The following GRIA3 variants were observed in gnomAD, a reference collection of about 807,000 sequenced individuals.
GRIA3 encodes the protein glutamate receptor 3.
Under a neutral mutation model 63.0 loss-of-function variants are expected in GRIA3, and 3 were observed. The ratio of observed to expected loss-of-function variants is 0.05; its 90% CI spans 0.02 to 0.12. The LOEUF (loss-of-function observed/expected upper bound fraction) is 0.12, where lower values mean the gene tolerates loss of function less well. Ranked by LOEUF, GRIA3 falls within the 10% of genes least tolerant of loss-of-function variation. GRIA3 has a pLI of 1.00. For missense variants in GRIA3, 347 were observed against 700.9 expected (o/e 0.50, Z 5.70); for synonymous variants, 274 against 257.9 (o/e 1.06, Z -0.60).
chrX:123,472,852 T>G (rs768717632), intron 13 of GRIA3, among the ~76,000 whole-genome samples: 1 of 112,956 alleles, frequency 8.9e-6, no homozygotes, highest in South Asian at 3.6e-4. Flanking sequence ...GTGAAATGAC[T>G]CACAGCTTTC....
intron 12 of GRIA3, among the ~76,000 whole-genome samples, chrX:123,434,621 G>C (rs1450372264): frequency 2.7e-5 from 3 of 111,547 alleles, no homozygotes; most frequent in African/African-American, 9.8e-5. Context: ...AAGAGCCATA[G>C]ACCTTATAGG....
rs185986235 is a variant in GRIA3, at chrX:123,433,484, T to C, written c.2076+5345T>C. Among the ~76,000 whole-genome samples, 7 of 112,106 alleles carry C rather than the reference T, an allele frequency of 6.2e-5. No individual in the cohort carries two copies. The East Asian group carries it at 1.7e-3, about 27-fold the overall frequency. ...AGAACACATTGATATACAACTTATA[T>C]ATCACATATAAGAAGTCAATTGTCT... On this transcript the variant is annotated intron_variant, in intron 12 of 15. Coordinates refer to ENST00000620443, the MANE Select transcript of GRIA3 (RefSeq NM_007325.5).
At chrX:123,295,846 A>G (rs772077181) in intron 3 of GRIA3, among the ~76,000 whole-genome samples, 10 of 111,079 alleles carry the variant, frequency 9.0e-5, no homozygotes, top group South Asian at 3.8e-4. Context: ...AGATAGTCCA[A>G]TTGCCTATAC....
intron 2 of GRIA3, among the ~76,000 whole-genome samples, chrX:123,226,270 G>T (rs1431269844): frequency 9.0e-6 from 1 of 111,309 alleles, no homozygotes; most frequent in Non-Finnish European, 1.9e-5. Flanking sequence ...GAGGATATGG[G>T]TTTATCTAAA....
intron 2 of GRIA3, among the ~76,000 whole-genome samples, chrX:123,211,615 T>C (rs1268131976): frequency 9.0e-6 from 1 of 111,574 alleles, no homozygotes; most frequent in Non-Finnish European, 1.9e-5. Flanking sequence ...AGGAGCTCTC[T>C]TGATCCATGG....
chrX:123,221,407 T>C (rs1361990704), intron 2 of GRIA3, among the ~76,000 whole-genome samples: 1 of 112,397 alleles, frequency 8.9e-6, no homozygotes, highest in Admixed American at 9.4e-5. Flanking sequence ...GTAGCAGCAC[T>C]GTGGGGCCTC....
intron 10 of GRIA3, among the ~76,000 whole-genome samples, chrX:123,412,232 T>A (rs1388200391): frequency 1.8e-5 from 2 of 111,811 alleles, no homozygotes; most frequent in East Asian, 5.6e-4. Context: ...GTGGAGCATA[T>A]AACTAACTAG....
chrX:123,353,056 A>AAAC (rs2045108292), intron 4 of GRIA3, among the ~76,000 whole-genome samples: 10 of 47,753 alleles, frequency 2.1e-4, no homozygotes, highest in African/African-American at 3.4e-4. Flanking sequence ...CACACACACA[A>AAAC]ACACACACAC....
intron 3 of GRIA3, among the ~76,000 whole-genome samples, chrX:123,273,183 C>T (rs1032821524): frequency 3.6e-5 from 4 of 111,691 alleles, no homozygotes; most frequent in East Asian, 2.8e-4. Context: ...GCAGCACCCA[C>T]CACTGATATT....
chrX:123,378,198 C>T (rs773434831), intron 5 of GRIA3, among the ~76,000 whole-genome samples: 1 of 111,553 alleles, frequency 9.0e-6, no homozygotes, highest in Non-Finnish European at 1.9e-5. Flanking sequence ...AAAAACAGCA[C>T]GTGCATTACA....
intron 3 of GRIA3, among the ~76,000 whole-genome samples, chrX:123,298,914 G>A (rs1164063098): frequency 1.8e-5 from 2 of 110,414 alleles, no homozygotes; most frequent in Non-Finnish European, 3.8e-5. Flanking sequence ...TTTTTATGGT[G>A]TAAGGAGTCC....
chrX:123,485,903 G>T (rs376667994), intron 15 of GRIA3, among the ~76,000 whole-genome samples: 1 of 111,103 alleles, frequency 9.0e-6, no homozygotes, highest in East Asian at 2.8e-4. Context: ...CTGGGATGGG[G>T]CCTGAGGGTC....
chrX:123,431,323 G>A (rs1464150020), intron 12 of GRIA3, among the ~76,000 whole-genome samples: 4 of 111,931 alleles, frequency 3.6e-5, no homozygotes, highest in Non-Finnish European at 7.5e-5. Context: ...TAAAATGATG[G>A]TATTTTTAAA....
chrX:123,243,889 C>T (rs981139431), intron 2 of GRIA3, among the ~76,000 whole-genome samples: 1 of 112,060 alleles, frequency 8.9e-6, no homozygotes, highest in African/African-American at 3.2e-5. Context: ...TATAAAAGGG[C>T]CTAAAAAGCA....
At chrX:123,206,056 T>C (rs1426281329) in intron 2 of GRIA3, among the ~76,000 whole-genome samples, 8 of 111,326 alleles carry the variant, frequency 7.2e-5, no homozygotes, top group Non-Finnish European at 1.5e-4. Context: ...TGGCTCAAGA[T>C]TTGGTATGTC....
intron 12 of GRIA3, among the ~76,000 whole-genome samples, chrX:123,437,523 C>T (rs1195862709): frequency 2.6e-5 from 1 of 38,883 alleles, no homozygotes; most frequent in Non-Finnish European, 6.0e-5. Flanking sequence ...AGAAGTCATG[C>T]GAAGTACAAA....
chrX:123,292,290 C>T (rs952826102), intron 3 of GRIA3, among the ~76,000 whole-genome samples: 6 of 111,151 alleles, frequency 5.4e-5, no homozygotes, highest in Non-Finnish European at 1.1e-4. Flanking sequence ...TGGATTTGTG[C>T]CTGGATGTAC....
intron 9 of GRIA3, among the ~76,000 whole-genome samples, chrX:123,404,280 C>T (rs754455804): frequency 1.8e-5 from 2 of 110,536 alleles, no homozygotes; most frequent in South Asian, 7.8e-4. Flanking sequence ...AATGTAAATG[C>T]CACGGACGCT....
At chrX:123,455,201 T>A (rs1484496991) in intron 12 of GRIA3, among the ~76,000 whole-genome samples, 1 of 111,774 alleles carries the variant, frequency 8.9e-6, no homozygotes, top group African/African-American at 3.3e-5. Context: ...AAACCAGAAT[T>A]TCTTTCCCTT....
Sources: allele counts gnomAD v4.1 joint callset (sites outside exome capture counted in the v4.1 genomes callset), GRCh38; gene constraint gnomAD v4.1.1; transcripts MANE v1.5; gene names NCBI Gene and HGNC (gene_info 2026-07-23, HGNC 2026-07-21).